NSUN6: variants seen among roughly 807,000 people sequenced by gnomAD.
NSUN6 encodes the protein tRNA (cytosine(72)-C(5))-methyltransferase NSUN6.
A neutral mutation model predicts 58.0 loss-of-function variants in NSUN6; 64 were observed. The ratio of observed to expected loss-of-function variants is 1.10; its 90% CI spans 0.90 to 1.36. NSUN6 has a LOEUF of 1.36. Ranked by LOEUF, NSUN6 falls within the 40% of genes most tolerant of loss-of-function variation. The probability of loss-of-function intolerance (pLI) is 0.00; values close to 1 mark genes in which losing one functional copy is unlikely to be tolerated. For synonymous variants in NSUN6, 231 were observed against 193.9 expected (o/e 1.19, Z -1.59); for missense variants, 701 against 550.1 (o/e 1.27, Z -2.74).
chr10:18,627,900 C>G (rs577355718), intron 3 of NSUN6, among the ~76,000 whole-genome samples: 2 of 152,364 alleles, frequency 1.3e-5, no homozygotes, highest in African/African-American at 4.8e-5. Flanking sequence ...CTGGGTGGAG[C>G]CCACCACAGC....
At chr10:18,596,943 C>G (rs1381350624) in intron 6 of NSUN6, among the ~76,000 whole-genome samples, 2 of 152,170 alleles carry the variant, frequency 1.3e-5, no homozygotes, top group Admixed American at 6.6e-5. Flanking sequence ...GCCTCATCAT[C>G]TAACTCTCAT....
chr10:18,592,092 C>A (rs2057398996), intron 7 of NSUN6, among the ~76,000 whole-genome samples: 1 of 151,988 alleles, frequency 6.6e-6, no homozygotes, highest in African/African-American at 2.4e-5. Flanking sequence ...AAGCAGAGAG[C>A]CAAATCATGA....
chr10:18,590,773 T>A (rs11498244), intron 7 of NSUN6, among the ~76,000 whole-genome samples: 5,072 of 152,214 alleles, frequency 0.033, 290 homozygotes, highest in African/African-American at 0.12. Context: ...AGAGGGAAAT[T>A]TATAGCACTA....
intron 8 of NSUN6, among the ~76,000 whole-genome samples, chr10:18,569,324 C>A (rs2056196864): frequency 6.6e-6 from 1 of 150,790 alleles, no homozygotes; most frequent in Non-Finnish European, 1.5e-5. Flanking sequence ...CCATTGTATT[C>A]ACCATTGCAT....
chr10:18,588,751 T>A (rs983082977), intron 7 of NSUN6, among the ~76,000 whole-genome samples: 4 of 151,780 alleles, frequency 2.6e-5, no homozygotes, highest in Admixed American at 2.0e-4. Context: ...CCCACAACAA[T>A]CCCATCCAAA....
chr10:18,620,566 T>C (rs61840849), intron 3 of NSUN6, among the ~76,000 whole-genome samples: 14,445 of 152,260 alleles, frequency 0.095, 795 homozygotes, highest in South Asian at 0.15. Context: ...GTTTCATGCA[T>C]TCATGTCTTT....
Position 18,545,757 on chromosome 10 carries a change from T to C in NSUN6, c.*176A>G. On this transcript the variant is annotated 3_prime_UTR_variant, in exon 11 of 11. Transcript: ENST00000377304. ...TTTAAAAACAGAAAATATAATCTCA[T>C]ACCACCCCCTACTTCCTCTATGTCT... 1.8e-6 allele frequency: 1 copy of C among 567,782 alleles called. No individual in the cohort carries two copies. The highest frequency in any genetic ancestry group is 3.0e-6 in the Non-Finnish European group (1 of 329,460). 35.2% of individuals were successfully genotyped at this position (567,782 alleles called of 1,614,324 possible).
chr10:18,572,952 A>G (rs2056455401), intron 8 of NSUN6, among the ~76,000 whole-genome samples: 1 of 144,040 alleles, frequency 6.9e-6, no homozygotes, highest in African/African-American at 2.6e-5. Context: ...TCTCCATTCC[A>G]TTCCATTCTC....
At chr10:18,600,978 G>GTATATA (rs56983139) in intron 6 of NSUN6, among the ~76,000 whole-genome samples, 1,331 of 76,964 alleles carry the variant, frequency 0.017, 33 homozygotes, top group East Asian at 0.073. Flanking sequence ...ATATATATAT[G>GTATATA]TATATATATA....
At chr10:18,623,857 G>C (rs1242670968) in intron 3 of NSUN6, among the ~76,000 whole-genome samples, 2 of 152,154 alleles carry the variant, frequency 1.3e-5, no homozygotes, top group Non-Finnish European at 2.9e-5. Flanking sequence ...ACCAGGACTA[G>C]AGAAAAGCCA....
intron 3 of NSUN6, among the ~76,000 whole-genome samples, chr10:18,628,533 G>C (rs1441982102): frequency 1.3e-5 from 2 of 152,224 alleles, no homozygotes; most frequent in South Asian, 2.1e-4. Context: ...TCTATAACTA[G>C]AATAACCAAT....
upstream of NSUN6, among the ~76,000 whole-genome samples, chr10:18,655,668 G>T (rs1055900785): frequency 6.6e-6 from 1 of 152,210 alleles, no homozygotes; most frequent in Admixed American, 6.5e-5. Flanking sequence ...GAGGGGCAAA[G>T]CTGTTTCCAG....
Position 18,599,060 on chromosome 10 carries a change from TAG to T in NSUN6, c.658-2735_658-2734del, listed in dbSNP as rs368087994. Among the ~76,000 whole-genome samples the T allele has an allele frequency of 7.4e-4, 112 of 152,230 alleles. 1 individual carries two copies. Among genetic ancestry groups the T allele is most frequent in the African/African-American group, 2.7e-3 (111 of 41,544 alleles). The stretch of plus-strand genomic sequence containing the variant: ...CAGGCTTATTTTTTATTTTTGGAGA[TAG>T]AGTCTTGCTCTGTCACACAGGCTGC... On this transcript the variant is annotated intron_variant, in intron 6 of 10. Transcript: ENST00000377304.
rs151014829 is a variant in NSUN6, at chr10:18,610,735, G to A, written c.576-809C>T. Among the ~76,000 whole-genome samples, 293 of 152,282 alleles carry A rather than the reference G, an allele frequency of 1.9e-3. 1 individual carries two copies. Among genetic ancestry groups the A allele is most frequent in the African/African-American group, 6.6e-3 (276 of 41,560 alleles). On this transcript the variant is annotated intron_variant, in intron 5 of 10. Transcript: ENST00000377304. Reference sequence around the variant, plus strand: ...CACAATCTCAGAGATGTTGTCAGAGGCTACTGAAGCAGAGAAAGAACACGC... The same window carrying A: ...CACAATCTCAGAGATGTTGTCAGAGACTACTGAAGCAGAGAAAGAACACGC...
chr10:18,627,388 G>C (rs1476722587), intron 3 of NSUN6, among the ~76,000 whole-genome samples: 1 of 152,146 alleles, frequency 6.6e-6, no homozygotes, highest in Non-Finnish European at 1.5e-5. Flanking sequence ...AAATGAAAAG[G>C]GGAGAAAAAA....
chr10:18,600,941 A>AAAAATAT (rs1487679670), intron 6 of NSUN6, among the ~76,000 whole-genome samples: 106 of 43,524 alleles, frequency 2.4e-3, no homozygotes, highest in Middle Eastern at 0.014. Context: ...AAAAAAAAAA[A>AAAAATAT]ATATATATAT....
chr10:18,656,942 TCAGC>T (rs140512606), upstream of NSUN6, among the ~76,000 whole-genome samples: 1 of 148,280 alleles, frequency 6.7e-6, no homozygotes, highest in Non-Finnish European at 1.5e-5. Flanking sequence ...GCCTCTTGCC[TCAGC>T]CACCTCATTA....
intron 7 of NSUN6, among the ~76,000 whole-genome samples, chr10:18,594,892 T>A (rs955824756): frequency 6.6e-6 from 1 of 152,216 alleles, no homozygotes; most frequent in Non-Finnish European, 1.5e-5. Flanking sequence ...AGGGTGACAG[T>A]AGATGTCATG....
At chr10:18,620,237 G>A (rs568439522) in intron 3 of NSUN6, among the ~76,000 whole-genome samples, 1 of 151,938 alleles carries the variant, frequency 6.6e-6, no homozygotes, top group East Asian at 1.9e-4. Context: ...ACAGGCACCC[G>A]CCACCATACC....
Sources: gnomAD v4.1 joint callset for allele counts (sites outside exome capture counted in the v4.1 genomes callset) on GRCh38, gnomAD v4.1.1 for gene constraint, MANE v1.5 for transcripts, NCBI Gene and HGNC (gene_info 2026-07-23, HGNC 2026-07-21) for gene names.